ACTR3C: variants seen among roughly 807,000 people sequenced by gnomAD.
ACTR3C encodes actin-related protein 3C.
Under a neutral mutation model 26.3 loss-of-function variants are expected in ACTR3C, and 18 were observed. The ratio of observed to expected loss-of-function variants is 0.68; its 90% CI spans 0.47 to 1.01. The LOEUF (loss-of-function observed/expected upper bound fraction) is 1.01. Ranked by LOEUF, ACTR3C falls within the 50% of genes least tolerant of loss-of-function variation. The pLI is 0.00. For missense variants in ACTR3C, 184 were observed against 250.7 expected (o/e 0.73, Z 1.80); for synonymous variants, 55 against 94.5 (o/e 0.58, Z 2.42).
At chr7:149,955,406 T>C in the ACTR3C span, among the ~76,000 whole-genome samples, 1 of 152,338 alleles carries the variant, frequency 6.6e-6, no homozygotes, top group Middle Eastern at 3.4e-3. Flanking sequence ...GAGCAGCTAC[T>C]ACATGCCAAG....
At chr7:150,292,017 T>C (rs1423343431) in intron 3 of ACTR3C, among the ~76,000 whole-genome samples, 4 of 151,130 alleles carry the variant, frequency 2.6e-5, no homozygotes, top group African/African-American at 9.8e-5. Context: ...TCTGCAGTGA[T>C]ACCTAACCTT....
At chr7:150,222,613 G>T in the ACTR3C span, among the ~76,000 whole-genome samples, 1 of 152,334 alleles carries the variant, frequency 6.6e-6, no homozygotes, top group South Asian at 2.1e-4. Context: ...TATAGTGGAA[G>T]AGAGGGCCCT....
At chr7:149,905,649 T>G in the ACTR3C span, among the ~76,000 whole-genome samples, 1 of 150,652 alleles carries the variant, frequency 6.6e-6, no homozygotes, top group Non-Finnish European at 1.5e-5. Context: ...CACTTAAAAA[T>G]GCAATAGAAA....
the ACTR3C span, among the ~76,000 whole-genome samples, chr7:150,078,832 C>A: frequency 2.0e-5 from 3 of 152,166 alleles, no homozygotes; most frequent in Non-Finnish European, 4.4e-5. Context: ...TTTGATAAAT[C>A]AAACAGGGAG....
chr7:150,018,178 G>A, the ACTR3C span, among the ~76,000 whole-genome samples: 4 of 150,186 alleles, frequency 2.7e-5, no homozygotes, highest in East Asian at 7.7e-4. Flanking sequence ...TGCGATCTCA[G>A]CTCACTGTGG....
chr7:149,895,798 G>A, the ACTR3C span, among the ~76,000 whole-genome samples: 1 of 152,162 alleles, frequency 6.6e-6, no homozygotes, highest in East Asian at 1.9e-4. Flanking sequence ...ACTCCAGCCT[G>A]AGCAACAGAG....
the ACTR3C span, among the ~76,000 whole-genome samples, chr7:149,907,479 TCTCTC>T: frequency 1.6e-4 from 1 of 6,170 alleles, no homozygotes; most frequent in Non-Finnish European, 1.1e-3. Context: ...TCTCTTCTCT[TCTCTC>T]TCTCTCTCTC....
At chr7:150,146,622 A>G in the ACTR3C span, among the ~76,000 whole-genome samples, 1 of 152,124 alleles carries the variant, frequency 6.6e-6, no homozygotes, top group Admixed American at 6.6e-5. Flanking sequence ...CGTTCTAGCT[A>G]CTGGAATATG....
the ACTR3C span, among the ~76,000 whole-genome samples, chr7:150,058,810 G>A: frequency 1.1e-4 from 16 of 152,058 alleles, no homozygotes; most frequent in Admixed American, 3.3e-4. Context: ...AGCTACTCGC[G>A]AGGCTGAGGC....
chr7:150,321,560 C>T (rs1002431671), intron 1 of ACTR3C, among the ~76,000 whole-genome samples: 3 of 152,070 alleles, frequency 2.0e-5, no homozygotes, highest in East Asian at 1.9e-4. Flanking sequence ...GCCAATATGG[C>T]GAAACCCCGT....
chr7:150,039,002 G>GC, the ACTR3C span, among the ~76,000 whole-genome samples: 4 of 67,878 alleles, frequency 5.9e-5, no homozygotes, highest in African/African-American at 2.0e-4. Flanking sequence ...TCAGAGCCGG[G>GC]GGGCGGGGAA....
At chr7:150,313,847 C>A (rs1003582759) in intron 1 of ACTR3C, among the ~76,000 whole-genome samples, 4 of 152,208 alleles carry the variant, frequency 2.6e-5, no homozygotes, top group South Asian at 4.1e-4. Context: ...TACCTGGAGA[C>A]CTGCCTGGAG....
chr7:150,294,073 T>C (rs1465451641), intron 2 of ACTR3C, among the ~76,000 whole-genome samples: 1 of 152,234 alleles, frequency 6.6e-6, no homozygotes, highest in Non-Finnish European at 1.5e-5. Context: ...AGATTGGCAA[T>C]GAGGTCACTT....
chr7:150,088,508 T>C, the ACTR3C span, among the ~76,000 whole-genome samples: 6 of 152,248 alleles, frequency 3.9e-5, no homozygotes, highest in Admixed American at 3.9e-4. Flanking sequence ...ATATATGGAC[T>C]AAACCTGGCT....
chr7:150,046,110 G>T, the ACTR3C span, among the ~76,000 whole-genome samples: 1 of 152,152 alleles, frequency 6.6e-6, no homozygotes, highest in East Asian at 1.9e-4. Flanking sequence ...AGGGGAGTCT[G>T]GAAATGATGC....
the ACTR3C span, among the ~76,000 whole-genome samples, chr7:150,198,782 C>G: frequency 2.1e-5 from 3 of 142,770 alleles, no homozygotes; most frequent in African/African-American, 8.3e-5. Flanking sequence ...GCCTGGCCAG[C>G]CGTGCCGTCC....
At chr7:150,007,075 G>C in the ACTR3C span, among the ~76,000 whole-genome samples, 5 of 152,066 alleles carry the variant, frequency 3.3e-5, no homozygotes, top group Non-Finnish European at 5.9e-5. Context: ...CCACAGCCTA[G>C]AGCAGAAACC....
At chr7:150,233,643 A>C in the ACTR3C span, among the ~76,000 whole-genome samples, 3 of 151,904 alleles carry the variant, frequency 2.0e-5, no homozygotes, top group Admixed American at 6.5e-5. Flanking sequence ...TATTTATGTC[A>C]GTGATTTTTA....
chr7:150,128,240 C>G, the ACTR3C span, among the ~76,000 whole-genome samples: 1 of 152,178 alleles, frequency 6.6e-6, no homozygotes, highest in East Asian at 1.9e-4. Context: ...CCCCTCAGCT[C>G]CTTAGAAGAA....
Sources: allele counts gnomAD v4.1 joint callset (sites outside exome capture counted in the v4.1 genomes callset), GRCh38; gene constraint gnomAD v4.1.1; transcripts MANE v1.5; gene names NCBI Gene and HGNC (gene_info 2026-07-23, HGNC 2026-07-21).